Variants in NFYA observed in about 807,000 individuals in gnomAD.
NFYA encodes the protein CAAT-box DNA binding protein subunit A.
In NFYA, 28 loss-of-function variants were observed where a neutral mutation model predicts 52.8. The observed-to-expected ratio is 0.53, with a 90% CI of 0.39 to 0.73. NFYA has a LOEUF of 0.73. Ranked by LOEUF, NFYA falls within the 30% of genes least tolerant of loss-of-function variation. NFYA has a pLI of 0.00. For synonymous variants in NFYA, 150 were observed against 150.7 expected (o/e 1.00, Z 0.03); for missense variants, 234 against 427.0 (o/e 0.55, Z 3.98).
chr6:41,083,740 T>G (rs1763970043), intron 3 of NFYA, among the ~76,000 whole-genome samples: 1 of 152,218 alleles, frequency 6.6e-6, no homozygotes, highest in African/African-American at 2.4e-5. Context: ...AACCTTGCCA[T>G]TATGATTAAA....
chr6:41,093,265 C>T (rs908817576), intron 8 of NFYA, among the ~76,000 whole-genome samples, 180 bp downstream of exon 8: 2 of 152,100 alleles, frequency 1.3e-5, no homozygotes, highest in Non-Finnish European at 2.9e-5. Context: ...GTTATAATAA[C>T]GAAAACAAAC....
chr6:41,081,364 C>T (rs1318759804), intron 3 of NFYA, among the ~76,000 whole-genome samples: 1 of 152,086 alleles, frequency 6.6e-6, no homozygotes, highest in African/African-American at 2.4e-5. Context: ...GTGGCGGGCA[C>T]CTGTAGTCCC....
intron 1 of NFYA, among the ~76,000 whole-genome samples, chr6:41,077,702 A>T (rs1479688078): frequency 1.2e-4 from 18 of 152,086 alleles, no homozygotes; most frequent in Admixed American, 1.2e-3. Context: ...AAAATCAGAA[A>T]ACCGGTTTGT....
intron 1 of NFYA, among the ~76,000 whole-genome samples, chr6:41,077,695 A>C (rs1179198172): frequency 6.6e-6 from 1 of 152,186 alleles, no homozygotes; most frequent in Non-Finnish European, 1.5e-5. Flanking sequence ...TGGTGTAAAA[A>C]TCAGAAAACC....
At chr6:41,096,847 C>T (rs1764371076) in intron 9 of NFYA, among the ~76,000 whole-genome samples, 1 of 152,200 alleles carries the variant, frequency 6.6e-6, no homozygotes, top group South Asian at 2.1e-4. Flanking sequence ...AACTTTCTGA[C>T]CCTGACCCTA....
chr6:41,096,271 A>C (rs193087940), intron 9 of NFYA, among the ~76,000 whole-genome samples: 2 of 152,306 alleles, frequency 1.3e-5, no homozygotes, highest in East Asian at 3.9e-4. Flanking sequence ...CAACTCTTTC[A>C]GTGCTATTAA....
chr6:41,089,514 T>C, intron 4 of NFYA, 65 bp from the exon 5 acceptor site: 1 of 1,454,538 alleles, frequency 6.9e-7, no homozygotes, highest in Non-Finnish European at 9.1e-7. Flanking sequence ...TGTGGATAAC[T>C]CTCGGGGACC....
intron 1 of NFYA, among the ~76,000 whole-genome samples, 182 bp from the exon 2 acceptor site, chr6:41,078,847 A>G (rs1327910005): frequency 6.6e-6 from 1 of 152,252 alleles, no homozygotes; most frequent in Non-Finnish European, 1.5e-5. Flanking sequence ...TGAAAATAGC[A>G]TTATGTTGTT....
Position 41,089,579 on chromosome 6 carries a change from A to T in NFYA, c.310A>T (p.Ile104Leu). 1 of 1,605,556 alleles carries T rather than the reference A, an allele frequency of 6.2e-7. No homozygotes were observed. Among genetic ancestry groups the T allele is most frequent in the South Asian group, 1.1e-5 (1 of 90,110 alleles). Residue 104 changes from isoleucine (I) to leucine (L), a missense_variant and splice_region_variant, in exon 5 of 10, where the codon ATA (isoleucine) becomes TTA (leucine). Ile to Leu is a conservative substitution (Grantham distance 5). This residue lies in a region of NFYA where 118 missense variants were observed against 182.4 expected (regional missense o/e 0.65). Coordinates refer to ENST00000341376, the MANE Select transcript of NFYA (RefSeq NM_002505.5). ...PVSGTQGLQQ[I>L]QLVPPGQIQI... ...CCTTTTTTTATGTTCTTTTCTGCAG[A>T]TACAGTTGGTCCCACCTGGACAGAT...
intron 7 of NFYA, among the ~76,000 whole-genome samples, chr6:41,091,946 A>T (rs951206218): frequency 5.9e-5 from 9 of 152,218 alleles, no homozygotes; most frequent in Admixed American, 5.9e-4. Flanking sequence ...GATTTTATGG[A>T]ATTCTTTTCA....
rs551528335 is a variant in NFYA at position 41,096,362 on chromosome 6, T to C, written c.991-995T>C. ...TGTATGAATGTGGGCCTGACAGCTA[T>C]TGTGGCAGGAGGGCATTGTGCCAGG... On this transcript the variant is annotated intron_variant, in intron 9 of 9. Transcript: ENST00000341376. Among the ~76,000 whole-genome samples the C allele has an allele frequency of 2.0e-5, 3 of 152,346 alleles. No individual in the cohort carries two copies. The South Asian group carries it at 6.2e-4, about 32-fold the overall frequency.
At chr6:41,089,436 C>T in intron 4 of NFYA, 143 bp from the exon 5 acceptor site, 1 of 808,410 alleles carries the variant, frequency 1.2e-6, no homozygotes, top group South Asian at 3.1e-5. Flanking sequence ...GTTGTGTCTA[C>T]TTCATAATGG....
At chr6:41,088,793 C>T (rs978163305) in intron 4 of NFYA, among the ~76,000 whole-genome samples, 2 of 151,986 alleles carry the variant, frequency 1.3e-5, no homozygotes, top group African/African-American at 2.4e-5. Flanking sequence ...GCCATGTTGC[C>T]CAGGCTGGTC....
At position 41,094,443 on chromosome 6, in the gene NFYA, T is replaced by C; in HGVS notation, c.936T>C (p.Arg312=). 1.2e-6 allele frequency: 2 copies of C among 1,614,174 alleles called. No homozygotes were observed. Among genetic ancestry groups the C allele is most frequent in the South Asian group, 1.1e-5 (1 of 91,088 alleles). The change falls in exon 9 of 10, where the codon CGT becomes CGC. Residue 312 remains arginine, a synonymous_variant. Coordinates refer to ENST00000341376, the MANE Select transcript of NFYA (RefSeq NM_002505.5). ...ACCGTCATGCCATGGCACGGAAGCG[T>C]GGTGAAGGTGGACGATTTTTCTCTC... ...SRHRHAMARK[R]GEGGRFFSPK...
intron 2 of NFYA, among the ~76,000 whole-genome samples, chr6:41,080,442 G>T (rs932544454): frequency 2.0e-5 from 3 of 152,142 alleles, no homozygotes; most frequent in African/African-American, 7.2e-5. Flanking sequence ...TAGTTTCAGG[G>T]CTATTAAAAC....
chr6:41,088,033 A>G (rs1764092517), intron 4 of NFYA, among the ~76,000 whole-genome samples: 1 of 152,216 alleles, frequency 6.6e-6, no homozygotes, highest in African/African-American at 2.4e-5. Context: ...GAGTATTGGT[A>G]ATTGGAAACT....
At chr6:41,089,464 CTTT>C (rs1164282803) in intron 4 of NFYA, 112 bp from the exon 5 acceptor site, 3 of 1,230,124 alleles carry the variant, frequency 2.4e-6, no homozygotes, top group African/African-American at 3.1e-5. Context: ...AGCAGGACTT[CTTT>C]TTTCCTCTTC....
intron 4 of NFYA, 131 bp from the exon 5 acceptor site, chr6:41,089,448 G>C: frequency 1.1e-6 from 1 of 944,680 alleles, no homozygotes; most frequent in Non-Finnish European, 1.5e-6. Flanking sequence ...TCATAATGGA[G>C]GGCAGAGCAG....
rs113565883 is a variant in NFYA at position 41,097,482 on chromosome 6, A to G, written c.*72A>G. 7 of 1,490,650 alleles carry G rather than the reference A, an allele frequency of 4.7e-6. No individual in the cohort carries two copies. The highest frequency in any genetic ancestry group is 1.1e-5 in the South Asian group (1 of 87,864). The allele number at this position is 1,490,650 out of a possible 1,614,324, so 92.3% of individuals were successfully genotyped here. A position where few individuals can be genotyped will look rare whatever the true frequency, so the allele number is the denominator to read the frequency against. On this transcript the variant is annotated 3_prime_UTR_variant, in exon 10 of 10. Coordinates refer to ENST00000341376, the MANE Select transcript of NFYA (RefSeq NM_002505.5). Reference sequence around the variant, plus strand: ...TCCAGGAAATTGATCAACTCTTCCAATGGGACATTGATGATCACATTCTGC... The same window carrying G: ...TCCAGGAAATTGATCAACTCTTCCAGTGGGACATTGATGATCACATTCTGC...
Sources: allele counts gnomAD v4.1 joint callset (sites outside exome capture counted in the v4.1 genomes callset), GRCh38; gene constraint gnomAD v4.1.1; regional missense constraint gnomAD v4.1.1; transcripts MANE v1.5; gene names NCBI Gene and HGNC (gene_info 2026-07-23, HGNC 2026-07-21).